The following LINGO2 variants were observed in gnomAD, a reference collection of about 807,000 sequenced individuals.
The protein encoded by LINGO2 is leucine rich repeat and Ig domain containing 2.
LINGO2 carries 14 observed loss-of-function variants against 30.6 expected under a neutral mutation model. The ratio of observed to expected loss-of-function variants is 0.46; its 90% confidence interval spans 0.30 to 0.72. The LOEUF (loss-of-function observed/expected upper bound fraction) is 0.72. Among genes scored for constraint, LINGO2 ranks in the 30% least tolerant of loss-of-function variants. LINGO2 has a pLI of 0.07. For synonymous variants in LINGO2, 317 were observed against 288.5 expected (o/e 1.10, Z -1.00); for missense variants, 729 against 751.7 (o/e 0.97, Z 0.35).
intron 4 of LINGO2, among the ~76,000 whole-genome samples, chr9:28,175,818 G>C (rs1828734785): frequency 6.6e-6 from 1 of 152,144 alleles, no homozygotes. Context: ...AGCGCTCTTA[G>C]GTGTTTGATT....
chr9:27,971,830 T>G (rs952172348), intron 5 of LINGO2, among the ~76,000 whole-genome samples: 1 of 152,292 alleles, frequency 6.6e-6, no homozygotes, highest in East Asian at 1.9e-4. Context: ...ATGTGTAAAG[T>G]GCTGACAAAA....
rs577813407 is a variant in LINGO2 at position 28,060,668 on chromosome 9, G to A, written c.-86-48263C>T. Reference sequence around the variant, plus strand: ...CTCTGTGTGCTCCATATGTAGAGATGGTAAACTTTCTTAAATGTAAGTGCA... The same window carrying A: ...CTCTGTGTGCTCCATATGTAGAGATAGTAAACTTTCTTAAATGTAAGTGCA... On this transcript the variant is annotated intron_variant, in intron 4 of 5. Coordinates refer to ENST00000379992, the Ensembl canonical transcript of LINGO2. 1.4e-4 allele frequency among the ~76,000 whole-genome samples: 21 copies of A among 152,120 alleles called. No homozygotes were observed. The South Asian group carries it at 4.2e-3, about 30-fold the overall frequency.
At chr9:28,012,970 T>C (rs747547838) in intron 4 of LINGO2, among the ~76,000 whole-genome samples, 21 of 152,046 alleles carry the variant, frequency 1.4e-4, no homozygotes, top group Non-Finnish European at 2.8e-4. Flanking sequence ...ATTGCGGAAT[T>C]ACATAAAGAA....
intron 2 of LINGO2, among the ~76,000 whole-genome samples, chr9:28,392,058 C>CG: frequency 6.6e-6 from 1 of 152,036 alleles, no homozygotes; most frequent in Non-Finnish European, 1.5e-5. Flanking sequence ...GAAAAATTAG[C>CG]GGGGCGTGAT....
At chr9:28,617,384 C>A (rs1219506969) in intron 1 of LINGO2, among the ~76,000 whole-genome samples, 1 of 151,948 alleles carries the variant, frequency 6.6e-6, no homozygotes, top group Non-Finnish European at 1.5e-5. Flanking sequence ...CAACTTCCGC[C>A]TCCCAGGTTC....
chr9:28,472,919 G>A (rs370497495), intron 2 of LINGO2, among the ~76,000 whole-genome samples: 1 of 151,998 alleles, frequency 6.6e-6, no homozygotes, highest in Non-Finnish European at 1.5e-5. Flanking sequence ...TCCAATCTCT[G>A]TGTTTTTTAT....
chr9:28,937,965 G>C, the LINGO2 span, among the ~76,000 whole-genome samples: 394 of 152,132 alleles, frequency 2.6e-3, 2 homozygotes, highest in African/African-American at 8.9e-3. Context: ...AAAGATCCCA[G>C]TGTGTGTTGT....
In LINGO2 at chr9:28,268,481, T is replaced by C. The variant is rs189902152; in HGVS notation, c.-87+26727A>G. 2.7e-3 allele frequency among the ~76,000 whole-genome samples: 412 copies of C among 152,172 alleles called. 5 individuals carry two copies. The highest frequency in any genetic ancestry group is 3.0e-3 in the Non-Finnish European group (201 of 67,978). On this transcript the variant is annotated intron_variant, in intron 4 of 5. Coordinates refer to ENST00000379992, the Ensembl canonical transcript of LINGO2. ...AGGTAATTGCATTTATTGATTCAGG[T>C]GGTCTCATAAGAAAGTCAATTGGTA...
At chr9:29,134,799 A>G in the LINGO2 span, among the ~76,000 whole-genome samples, 1 of 151,342 alleles carries the variant, frequency 6.6e-6, no homozygotes, top group South Asian at 2.1e-4. Context: ...CTTAATATAA[A>G]TATATATGAA....
At chr9:29,040,851 A>G in the LINGO2 span, among the ~76,000 whole-genome samples, 1 of 152,006 alleles carries the variant, frequency 6.6e-6, no homozygotes, top group Non-Finnish European at 1.5e-5. Flanking sequence ...ATTAGATTAC[A>G]TACAAATATA....
At chr9:28,848,263 G>GTA in the LINGO2 span, among the ~76,000 whole-genome samples, 1 of 89,578 alleles carries the variant, frequency 1.1e-5, no homozygotes, top group African/African-American at 6.6e-5. Context: ...CATATATAGT[G>GTA]TATATATACT....
chr9:28,060,085 G>T lies in LINGO2; in HGVS notation c.-86-47680C>A, dbSNP rs995976260. On this transcript the variant is annotated intron_variant, in intron 4 of 5. Coordinates refer to ENST00000379992, the Ensembl canonical transcript of LINGO2. The stretch of plus-strand genomic sequence containing the variant: ...AATAATCACTATTATTACAAAATTA[G>T]AATACATAAATATGTAGTCTCCTAT... Among the ~76,000 whole-genome samples the T allele has an allele frequency of 8.6e-5, 13 of 151,762 alleles. 1 individual carries two copies. Among genetic ancestry groups the T allele is most frequent in the African/African-American group, 3.2e-4 (13 of 41,128 alleles).
intron 1 of LINGO2, among the ~76,000 whole-genome samples, chr9:28,516,091 T>C (rs2135383112): frequency 6.6e-6 from 1 of 152,328 alleles, no homozygotes; most frequent in African/African-American, 2.4e-5. Context: ...AAAATTATGG[T>C]ATATACATTT....
intron 2 of LINGO2, among the ~76,000 whole-genome samples, chr9:28,386,672 C>T (rs1260218818): frequency 6.6e-6 from 1 of 152,172 alleles, no homozygotes; most frequent in African/African-American, 2.4e-5. Context: ...ATGAGAATTT[C>T]TGTCACACCT....
At chr9:29,190,576 T>C in the LINGO2 span, among the ~76,000 whole-genome samples, 12 of 152,292 alleles carry the variant, frequency 7.9e-5, no homozygotes, top group South Asian at 2.3e-3. Flanking sequence ...GAAGTGCTGC[T>C]AGATAAATTA....
chr9:28,309,288 T>C (rs1472914256), intron 3 of LINGO2, among the ~76,000 whole-genome samples: 2 of 152,122 alleles, frequency 1.3e-5, no homozygotes, highest in African/African-American at 4.8e-5. Flanking sequence ...TGTAGGGACA[T>C]GGATGAAATT....
At chr9:28,109,270 C>T (rs552297881) in intron 4 of LINGO2, among the ~76,000 whole-genome samples, 1 of 152,244 alleles carries the variant, frequency 6.6e-6, no homozygotes, top group South Asian at 2.1e-4. Flanking sequence ...CTATTTATGT[C>T]AAACCCACAG....
At chr9:27,985,323 C>G (rs1275260210) in intron 5 of LINGO2, among the ~76,000 whole-genome samples, 1 of 151,836 alleles carries the variant, frequency 6.6e-6, no homozygotes, top group Admixed American at 6.6e-5. Flanking sequence ...AATTAAACAG[C>G]TCCACAACAA....
intron 1 of LINGO2, among the ~76,000 whole-genome samples, chr9:28,631,881 C>T (rs1326607450): frequency 6.6e-6 from 1 of 152,110 alleles, no homozygotes; most frequent in Non-Finnish European, 1.5e-5. Flanking sequence ...TGAATTAATC[C>T]ATCCAACAAA....
Sources: gnomAD v4.1 joint callset for allele counts (sites outside exome capture counted in the v4.1 genomes callset) on GRCh38, gnomAD v4.1.1 for gene constraint, MANE v1.5 for transcripts, NCBI Gene and HGNC (gene_info 2026-07-23, HGNC 2026-07-21) for gene names.